The following ST7 variants were observed in gnomAD, a reference collection of about 807,000 sequenced individuals.
ST7 encodes suppressor of tumorigenicity 7 protein.
ST7 carries 28 observed loss-of-function variants against 78.7 expected under a neutral mutation model. The ratio of observed to expected loss-of-function variants is 0.36; its 90% CI spans 0.26 to 0.49. The LOEUF (loss-of-function observed/expected upper bound fraction) is 0.49, where lower values mean the gene tolerates loss of function less well. Ranked by LOEUF, ST7 falls within the 20% of genes least tolerant of loss-of-function variation. The pLI, the probability that ST7 is intolerant of heterozygous loss-of-function variation, is 0.99. For synonymous variants in ST7, 247 were observed against 249.6 expected (o/e 0.99, Z 0.10); for missense variants, 418 against 696.0 (o/e 0.60, Z 4.49).
At chr7:116,955,379 CCTT>C (rs573544500) in intron 1 of ST7, among the ~76,000 whole-genome samples, 65 of 152,174 alleles carry the variant, frequency 4.3e-4, no homozygotes, top group African/African-American at 1.5e-3. Context: ...GTGGGGAGGT[CCTT>C]CTTGCTGTCA....
At chr7:117,149,259 T>C (rs937995343) in intron 9 of ST7, among the ~76,000 whole-genome samples, 2 of 152,128 alleles carry the variant, frequency 1.3e-5, no homozygotes, top group Non-Finnish European at 2.9e-5. Context: ...GTAGGACATC[T>C]TTACTCTTTC....
At chr7:117,119,422 T>C (rs950069935) in intron 2 of ST7, 139 bp from the exon 3 acceptor site, 2 of 844,816 alleles carry the variant, frequency 2.4e-6, no homozygotes, top group East Asian at 3.0e-5. Flanking sequence ...TTTACTAAAA[T>C]CTAATTTTTA....
chr7:117,196,369 A>G (rs1386589164), intron 12 of ST7, among the ~76,000 whole-genome samples: 1 of 115,688 alleles, frequency 8.6e-6, no homozygotes, highest in African/African-American at 2.6e-5. Context: ...TAGTGGCTGC[A>G]CCATTGTACA....
intron 12 of ST7, among the ~76,000 whole-genome samples, chr7:117,205,637 G>A (rs777071968): frequency 6.6e-6 from 1 of 152,152 alleles, no homozygotes; most frequent in Non-Finnish European, 1.5e-5. Context: ...TCCCTGACAG[G>A]TGAGCCAGTC....
chr7:117,169,625 G>T (rs1807832565), intron 9 of ST7, among the ~76,000 whole-genome samples: 3 of 151,940 alleles, frequency 2.0e-5, no homozygotes, highest in Admixed American at 2.0e-4. Flanking sequence ...CCAGTCTCTT[G>T]CTCCTTGAAT....
At chr7:117,143,280 C>T (rs1366625057) in intron 9 of ST7, among the ~76,000 whole-genome samples, 2 of 152,216 alleles carry the variant, frequency 1.3e-5, no homozygotes, top group African/African-American at 4.8e-5. Context: ...TTCTCCCTCA[C>T]TCTTGTTTCA....
chr7:117,199,144 T>A (rs1292988455), intron 12 of ST7: 1 of 151,714 alleles, frequency 6.6e-6, no homozygotes, highest in Non-Finnish European at 1.5e-5. Context: ...AGCAGAGAAG[T>A]GTGAGTGGAA....
intron 9 of ST7, among the ~76,000 whole-genome samples, chr7:117,165,738 C>A (rs1286286060): frequency 6.6e-6 from 1 of 152,048 alleles, no homozygotes; most frequent in Non-Finnish European, 1.5e-5. Flanking sequence ...ACTTAACCAG[C>A]AGATGAAGGT....
chr7:117,203,890 G>A (rs1449940552), intron 12 of ST7, among the ~76,000 whole-genome samples: 2 of 152,190 alleles, frequency 1.3e-5, no homozygotes, highest in Admixed American at 6.5e-5. Context: ...TGGATAGGCT[G>A]TGGGTGCTCC....
intron 13 of ST7, among the ~76,000 whole-genome samples, chr7:117,212,635 A>G (rs1037453938): frequency 2.8e-4 from 42 of 152,350 alleles, no homozygotes; most frequent in African/African-American, 9.9e-4. Flanking sequence ...TAAATGAAAG[A>G]GACTGGAAGT....
chr7:117,153,435 A>C (rs185325719), intron 9 of ST7, among the ~76,000 whole-genome samples: 136 of 152,250 alleles, frequency 8.9e-4, no homozygotes, highest in African/African-American at 3.2e-3. Context: ...ATGGAGGAAA[A>C]AGTGAGTAGA....
At chr7:117,000,150 G>C (rs1296979235) in intron 1 of ST7, among the ~76,000 whole-genome samples, 2 of 152,168 alleles carry the variant, frequency 1.3e-5, no homozygotes, top group African/African-American at 4.8e-5. Flanking sequence ...AAAGTGTTTG[G>C]AGATGAACCG....
chr7:117,223,959 T>G, intron 15 of ST7: 1 of 976,122 alleles, frequency 1.0e-6, no homozygotes, highest in Non-Finnish European at 1.2e-6. Flanking sequence ...CAGATACAGC[T>G]TAGTATTTTT....
At chr7:117,188,392 T>G (rs1392793089) in intron 10 of ST7, among the ~76,000 whole-genome samples, 9 of 152,230 alleles carry the variant, frequency 5.9e-5, no homozygotes. Context: ...TTACCTGTTC[T>G]GAATTAAGGT....
At chr7:117,130,755 T>A (rs1201813693) in intron 5 of ST7, 149 bp downstream of exon 5, 1 of 528,076 alleles carries the variant, frequency 1.9e-6, no homozygotes. Context: ...ACTCTGATAA[T>A]TAAGTAAACC....
At chr7:117,141,895 C>G (rs578172142) in intron 9 of ST7, among the ~76,000 whole-genome samples, 35 of 152,016 alleles carry the variant, frequency 2.3e-4, no homozygotes, top group African/African-American at 7.2e-4. Flanking sequence ...ATCTTGACCT[C>G]GTGGTCTCCA....
intron 1 of ST7, among the ~76,000 whole-genome samples, chr7:117,095,796 G>A (rs977910811): frequency 1.3e-5 from 2 of 151,940 alleles, no homozygotes; most frequent in Admixed American, 1.3e-4. Flanking sequence ...TGGCTGGGTG[G>A]GTGGCTCACA....
rs188032129 is a variant in ST7 at position 117,023,173 on chromosome 7, A to G, written c.151+69482A>G. ...CAGACCTTTGAGGTCAGAAATTTGCAGTAGCCTGGATATCACATTATAATA... is the reference window on the plus strand; with the variant it reads ...CAGACCTTTGAGGTCAGAAATTTGCGGTAGCCTGGATATCACATTATAATA... On this transcript the variant is annotated intron_variant, in intron 1 of 15. Transcript: ENST00000323984. Among the ~76,000 whole-genome samples, 15 of 152,332 alleles carry G rather than the reference A, an allele frequency of 9.8e-5. No homozygotes were observed. In the East Asian group the frequency reaches 2.7e-3, roughly 27 times the overall value.
chr7:117,050,827 GGCT>G (rs1286430800), intron 1 of ST7, among the ~76,000 whole-genome samples: 1 of 151,870 alleles, frequency 6.6e-6, no homozygotes, highest in African/African-American at 2.4e-5. Flanking sequence ...CTACTCGGGA[GGCT>G]GAGGCAGGAG....
Sources: gnomAD v4.1 joint callset for allele counts (sites outside exome capture counted in the v4.1 genomes callset) on GRCh38, gnomAD v4.1.1 for gene constraint, MANE v1.5 for transcripts, NCBI Gene and HGNC (gene_info 2026-07-23, HGNC 2026-07-21) for gene names.